Variants in TWF2 observed in about 807,000 individuals in gnomAD.
The protein encoded by TWF2 is twinfilin actin binding protein 2, also known as twinfilin-2.
TWF2 carries 15 observed loss-of-function variants against 45.1 expected under a neutral mutation model. That is an observed-to-expected ratio of 0.33 (90% confidence interval 0.22 to 0.51). TWF2 has a LOEUF of 0.51. Ranked by LOEUF, TWF2 falls within the 20% of genes least tolerant of loss-of-function variation. The pLI, the probability that TWF2 is intolerant of heterozygous loss-of-function variation, is 0.97. For synonymous variants in TWF2, 177 were observed against 195.8 expected, an observed-to-expected ratio of 0.90 and a Z score of 0.80; for missense variants, 423 against 469.1, an observed-to-expected ratio of 0.90 and a Z score of 0.91.
rs1193918640 is a variant in TWF2, at chr3:52,228,726, C to T, written c.*308G>A. 5.2e-6 allele frequency: 2 copies of T among 385,782 alleles called. No homozygotes were observed. Among genetic ancestry groups the T allele is most frequent in the Non-Finnish European group, 9.4e-6 (2 of 212,290 alleles). 23.9% of individuals were successfully genotyped at this position (385,782 alleles called of 1,614,324 possible). ...CTTCTTGTGGCCAAAGGTTTCTGGG[C>T]TGTGCTGGGACCCTAGTCTCAGCTC... On this transcript the variant is annotated 3_prime_UTR_variant, in exon 9 of 9. Coordinates refer to ENST00000305533, the MANE Select transcript of TWF2 (RefSeq NM_007284.4).
chr3:52,234,176 C>G (rs879401897), intron 2 of TWF2, among the ~76,000 whole-genome samples: 14 of 152,262 alleles, frequency 9.2e-5, no homozygotes, highest in African/African-American at 3.4e-4. Flanking sequence ...GCCAACACAA[C>G]GCGTGGAAAG....
Position 52,229,775 on chromosome 3 carries a change from G to C in TWF2, c.768C>G (p.Ile256Met). 1.9e-6 allele frequency: 3 copies of C among 1,612,192 alleles called. No individual in the cohort carries two copies. The highest frequency in any genetic ancestry group is 2.5e-6 in the Non-Finnish European group (3 of 1,179,442). Residue 256 changes from isoleucine to methionine, a missense_variant, in exon 8 of 9, where the codon ATC becomes ATG. Transcript: ENST00000305533. ...EGDPLESVVFIYSMPGYKCSI... is the reference protein window; with the variant it reads ...EGDPLESVVFMYSMPGYKCSI... ...TGCACTTGTACCCCGGCATGGAGTA[G>C]ATGAACACTGTTGGGGGGCAGGAGG...
intron 4 of TWF2, 83 bp from the exon 5 acceptor site, chr3:52,231,314 C>CA: frequency 6.3e-7 from 1 of 1,580,482 alleles, no homozygotes; most frequent in Non-Finnish European, 8.7e-7. Context: ...CGCCAGCTTG[C>CA]AGCCCTTGGA....
chr3:52,236,631 G>A (rs558857028), intron 1 of TWF2, among the ~76,000 whole-genome samples: 4 of 152,220 alleles, frequency 2.6e-5, no homozygotes, highest in South Asian at 4.1e-4. Context: ...GGGCGGGGGG[G>A]CCTTTAGGAA....
At chr3:52,238,579 A>G (rs1699749727) in intron 1 of TWF2, among the ~76,000 whole-genome samples, 1 of 152,218 alleles carries the variant, frequency 6.6e-6, no homozygotes, top group South Asian at 2.1e-4. Flanking sequence ...TACAGTGTCC[A>G]TTCAAACAGT....
rs1366874935 is a variant in TWF2 at position 52,229,681 on chromosome 3, G to T, written c.862C>A (p.His288Asn). 1 of 1,613,384 alleles carries T rather than the reference G, an allele frequency of 6.2e-7. No homozygotes were observed. The highest frequency in any genetic ancestry group is 8.5e-7 in the Non-Finnish European group (1 of 1,180,026). ...RLLDSVEQDFHLEIAKKIEIG... is the reference protein window; with the variant it reads ...RLLDSVEQDFNLEIAKKIEIG... ...CCTACTTTCTTGGCGATCTCCAGAT[G>T]GAAGTCCTGCTCCACGGAGTCGAGG... Residue 288 changes from histidine (H) to asparagine (N), a missense_variant, in exon 8 of 9, where the codon CAT (histidine) becomes AAT (asparagine). Physicochemically the swap from His to Asn is moderately conservative, Grantham distance 68 (BLOSUM62 1). Transcript: ENST00000305533.
intron 3 of TWF2, 94 bp from the exon 4 acceptor site, chr3:52,231,633 T>C (rs1258056788): frequency 2.2e-6 from 3 of 1,378,028 alleles, no homozygotes; most frequent in African/African-American, 2.9e-5. Context: ...GTGGGCTCAC[T>C]GCGCTGGCAC....
At chr3:52,229,589 G>T in intron 8 of TWF2, 72 bp downstream of exon 8, 1 of 1,579,844 alleles carries the variant, frequency 6.3e-7, no homozygotes. Flanking sequence ...CGTCATCTCA[G>T]GACCCCAGCG....
At chr3:52,235,175 C>G in intron 1 of TWF2, 69 bp from the exon 2 acceptor site, 1 of 1,518,122 alleles carries the variant, frequency 6.6e-7, no homozygotes, top group South Asian at 1.1e-5. Context: ...GGGGCCTGCT[C>G]TGTCCCACAG....
In TWF2 at chr3:52,231,122, C is replaced by T. The variant is rs1443272280; in HGVS notation, c.483+5G>A. The T allele has an allele frequency of 6.2e-7, 1 of 1,614,002 alleles. No homozygotes were observed. Among genetic ancestry groups the T allele is most frequent in the Non-Finnish European group, 8.5e-7 (1 of 1,179,952 alleles). Reference sequence around the variant, plus strand: ...TCAAGGCTGGGGCCTCTGCTCCCCACCCACCTCGTTAATGCGGATCTGCTG... The same window carrying T: ...TCAAGGCTGGGGCCTCTGCTCCCCATCCACCTCGTTAATGCGGATCTGCTG... On this transcript the variant is annotated splice_donor_5th_base_variant and intron_variant, in intron 5 of 8. Transcript: ENST00000305533.
At position 52,235,164 on chromosome 3, in the gene TWF2, T is replaced by C. The variant is rs1577987401; in HGVS notation, c.26-58A>G. On this transcript the variant is annotated intron_variant, in intron 1 of 8. Transcript: ENST00000305533. ...TGGGCAGAGTGGACAGAGACGAGTA[T>C]GGGGCCTGCTCTGTCCCACAGGGTC... The C allele has an allele frequency of 5.8e-6, 9 of 1,557,508 alleles. No homozygotes were observed. In the East Asian group the frequency reaches 2.0e-4, roughly 35 times the overall value.
chr3:52,235,067 G>A lies in TWF2; in HGVS notation c.65C>T (p.Ala22Val), dbSNP rs1699712724. Reference sequence around the variant, plus strand: ...AACCTTGATGAGCCGCACAGAGCCAGCCCGTGCCTTGGCAAAGAATTCCTT... The same window carrying A: ...AACCTTGATGAGCCGCACAGAGCCAACCCGTGCCTTGGCAAAGAATTCCTT... ...ELKEFFAKAR[A>V]GSVRLIKVVI... Residue 22 changes from alanine to valine, a missense_variant, in exon 2 of 9, where the codon GCT becomes GTT. By Grantham distance (64) the Ala-to-Val change is moderately conservative. Transcript: ENST00000305533. The A allele has an allele frequency of 6.2e-7, 1 of 1,613,872 alleles. No individual in the cohort carries two copies. Among genetic ancestry groups the A allele is most frequent in the African/African-American group, 1.3e-5 (1 of 74,944 alleles).
intron 2 of TWF2, among the ~76,000 whole-genome samples, chr3:52,234,409 A>G (rs1699706761): frequency 6.6e-6 from 1 of 151,970 alleles, no homozygotes; most frequent in Non-Finnish European, 1.5e-5. Flanking sequence ...TGCCTCCCCA[A>G]ACCCTCCCCA....
chr3:52,234,856 C>T (rs1294930096), intron 2 of TWF2, among the ~76,000 whole-genome samples, 173 bp downstream of exon 2: 3 of 152,200 alleles, frequency 2.0e-5, no homozygotes, highest in Non-Finnish European at 4.4e-5. Flanking sequence ...CAATTGCGCC[C>T]ACCTCTGATG....
chr3:52,232,754 C>T (rs1187472665), intron 2 of TWF2, among the ~76,000 whole-genome samples: 6 of 152,218 alleles, frequency 3.9e-5, no homozygotes, highest in East Asian at 1.9e-4. Context: ...CGGTGGCTCA[C>T]GCCTATAATC....
chr3:52,233,566 C>G (rs1419232214), intron 2 of TWF2, among the ~76,000 whole-genome samples: 2 of 152,214 alleles, frequency 1.3e-5, no homozygotes, highest in Non-Finnish European at 2.9e-5. Context: ...CCTGGGCAGT[C>G]CCAGGTACCC....
At chr3:52,236,813 A>AC (rs957070742) in intron 1 of TWF2, among the ~76,000 whole-genome samples, 1 of 152,048 alleles carries the variant, frequency 6.6e-6, no homozygotes, top group African/African-American at 2.4e-5. Flanking sequence ...GCAGGTGGAC[A>AC]CCATCCCACT....
chr3:52,231,369 G>A lies in TWF2; in HGVS notation c.378+75C>T. On this transcript the variant is annotated intron_variant, in intron 4 of 8. Transcript: ENST00000305533. ...TTCCTCCCGAAGCTGGCACTAGCTTGCTCTCTGACCCTGCACAGTGACCCC... is the reference window on the plus strand; with the variant it reads ...TTCCTCCCGAAGCTGGCACTAGCTTACTCTCTGACCCTGCACAGTGACCCC... 2.5e-6 allele frequency: 4 copies of A among 1,583,826 alleles called. No individual in the cohort carries two copies. The South Asian group carries it at 4.5e-5, about 18-fold the overall frequency.
In TWF2 at chr3:52,239,111, G is replaced by A. The variant is rs1699756986; in HGVS notation, c.-95C>T. 9.7e-6 allele frequency: 14 copies of A among 1,450,662 alleles called. No homozygotes were observed. The highest frequency in any genetic ancestry group is 1.3e-5 in the Non-Finnish European group (14 of 1,094,494). The allele number at this position is 1,450,662 out of a possible 1,614,324, so 89.9% of individuals were successfully genotyped here. ...GACCAAGAGAGGTGGAGGATGTGGC[G>A]GAGGCTGTCGACCCTCGCGCAGCTT... On this transcript the variant is annotated 5_prime_UTR_variant, in exon 1 of 9. Transcript: ENST00000305533.
Sources: allele counts gnomAD v4.1 joint callset (sites outside exome capture counted in the v4.1 genomes callset), GRCh38; gene constraint gnomAD v4.1.1; transcripts MANE v1.5; gene names NCBI Gene and HGNC (gene_info 2026-07-23, HGNC 2026-07-21).